The following KDM4C variants were observed in gnomAD, a reference collection of about 807,000 sequenced individuals.
KDM4C encodes the protein lysine demethylase 4C, also known as lysine-specific demethylase 4C.
KDM4C carries 81 observed loss-of-function variants against 129.3 expected under a neutral mutation model. That is an observed-to-expected ratio of 0.63 (90% confidence interval 0.52 to 0.75). The LOEUF (loss-of-function observed/expected upper bound fraction) is 0.75, where lower values mean the gene tolerates loss of function less well. Among genes scored for constraint, KDM4C ranks in the 30% least tolerant of loss-of-function variants. The pLI is 0.00. For missense variants in KDM4C, 1,457 were observed against 1,304.0 expected (o/e 1.12, Z -1.81); for synonymous variants, 573 against 456.1 (o/e 1.26, Z -3.26).
At chr9:6,784,364 G>T (rs1281565116) in intron 1 of KDM4C, among the ~76,000 whole-genome samples, 1 of 152,140 alleles carries the variant, frequency 6.6e-6, no homozygotes, top group Admixed American at 6.5e-5. Context: ...AAGTAGCTGG[G>T]ACTACGGGTA....
intron 17 of KDM4C, chr9:7,076,476 C>T: frequency 6.5e-7 from 1 of 1,550,384 alleles, no homozygotes. Context: ...ACAACAACAA[C>T]AATAACAATG....
chr9:6,845,926 A>G (rs112157482), intron 4 of KDM4C, among the ~76,000 whole-genome samples: 3,553 of 152,286 alleles, frequency 0.023, 139 homozygotes, highest in African/African-American at 0.077. Flanking sequence ...ATTAAGTTTT[A>G]AACAGTTCGG....
intron 1 of KDM4C, among the ~76,000 whole-genome samples, chr9:6,781,021 A>G (rs1256041287): frequency 6.6e-6 from 1 of 151,894 alleles, no homozygotes; most frequent in Non-Finnish European, 1.5e-5. Context: ...CTGTTTATGC[A>G]TATAGCAGAC....
At chr9:7,138,719 T>G (rs1387230511) in intron 19 of KDM4C, among the ~76,000 whole-genome samples, 1 of 152,024 alleles carries the variant, frequency 6.6e-6, no homozygotes, top group African/African-American at 2.4e-5. Context: ...CTTGGGAGAC[T>G]GAGGCAGGAG....
chr9:7,015,723 GT>G (rs1278006141), intron 14 of KDM4C, 129 bp from the exon 15 acceptor site: 1 of 565,242 alleles, frequency 1.8e-6, no homozygotes, highest in Non-Finnish European at 3.2e-6. Flanking sequence ...CTTATGTTTT[GT>G]TCTATACAGT....
chr9:6,834,311 A>G (rs1835456370), intron 4 of KDM4C: 1 of 277,398 alleles, frequency 3.6e-6, no homozygotes. Context: ...TGCTGAGATT[A>G]CAGCATGAGC....
intron 12 of KDM4C, among the ~76,000 whole-genome samples, chr9:6,999,090 G>T (rs1820303151): frequency 6.6e-6 from 1 of 152,156 alleles, no homozygotes; most frequent in African/African-American, 2.4e-5. Context: ...AGTTAGAAGT[G>T]GAATTTAGAA....
At chr9:7,127,557 C>A (rs1042261983) in intron 18 of KDM4C, among the ~76,000 whole-genome samples, 1 of 152,074 alleles carries the variant, frequency 6.6e-6, no homozygotes, top group African/African-American at 2.4e-5. Flanking sequence ...AGGAAATGGT[C>A]CTGATTAAAG....
chr9:6,819,649 A>G (rs143615241), intron 4 of KDM4C, among the ~76,000 whole-genome samples: 90 of 152,376 alleles, frequency 5.9e-4, no homozygotes, highest in African/African-American at 2.1e-3. Context: ...CCTAAATTCA[A>G]CAAATGAGAA....
intron 7 of KDM4C, among the ~76,000 whole-genome samples, chr9:6,890,337 C>G (rs907165082): frequency 1.7e-4 from 26 of 152,174 alleles, no homozygotes; most frequent in Non-Finnish European, 3.4e-4. Flanking sequence ...AATCTATAGA[C>G]AGAGTTTTGA....
intron 4 of KDM4C, among the ~76,000 whole-genome samples, chr9:6,821,937 C>G (rs752548214): frequency 1.3e-5 from 2 of 152,114 alleles, no homozygotes; most frequent in African/African-American, 4.8e-5. Context: ...GCCCGGCTGG[C>G]CCCTCTTTTA....
At chr9:6,922,720 C>G (rs762863237) in intron 8 of KDM4C, among the ~76,000 whole-genome samples, 1 of 152,248 alleles carries the variant, frequency 6.6e-6, no homozygotes, top group African/African-American at 2.4e-5. Context: ...GTACTCCAGC[C>G]TGGGTGGCGG....
intron 8 of KDM4C, among the ~76,000 whole-genome samples, chr9:6,979,499 G>C (rs1051047014): frequency 6.6e-6 from 1 of 152,132 alleles, no homozygotes; most frequent in Non-Finnish European, 1.5e-5. Flanking sequence ...GACTTGCTGT[G>C]GGAGAGAAAC....
chr9:7,042,596 A>G (rs769405903), intron 15 of KDM4C, among the ~76,000 whole-genome samples: 12 of 152,040 alleles, frequency 7.9e-5, no homozygotes, highest in Non-Finnish European at 1.6e-4. Flanking sequence ...AAATGAGCAA[A>G]TGGAGACTTA....
At chr9:6,946,669 A>G (rs184906290) in intron 8 of KDM4C, among the ~76,000 whole-genome samples, 1 of 152,234 alleles carries the variant, frequency 6.6e-6, no homozygotes, top group Admixed American at 6.5e-5. Context: ...ACAGTGAATA[A>G]TATTTGAATA....
At chr9:7,119,839 C>T (rs969537427) in intron 18 of KDM4C, among the ~76,000 whole-genome samples, 2 of 152,092 alleles carry the variant, frequency 1.3e-5, no homozygotes, top group Non-Finnish European at 2.9e-5. Context: ...AGATGTTTAC[C>T]TGCATTTTCT....
intron 8 of KDM4C, among the ~76,000 whole-genome samples, chr9:6,907,045 A>G (rs781139244): frequency 4.6e-5 from 7 of 152,208 alleles, no homozygotes. Context: ...CAATTTTACT[A>G]TTGTGAAAAT....
At chr9:6,865,983 G>T (rs1190346508) in intron 5 of KDM4C, among the ~76,000 whole-genome samples, 1 of 152,070 alleles carries the variant, frequency 6.6e-6, no homozygotes, top group African/African-American at 2.4e-5. Flanking sequence ...TCGATCTCCT[G>T]ACCTTGTGAT....
At chr9:6,977,288 A>T (rs1201207601) in intron 8 of KDM4C, among the ~76,000 whole-genome samples, 1 of 152,190 alleles carries the variant, frequency 6.6e-6, no homozygotes, top group Non-Finnish European at 1.5e-5. Flanking sequence ...ATTTTCTATG[A>T]AAGACAGTAA....
Sources: allele counts gnomAD v4.1 joint callset (sites outside exome capture counted in the v4.1 genomes callset), GRCh38; gene constraint gnomAD v4.1.1; transcripts MANE v1.5; gene names NCBI Gene and HGNC (gene_info 2026-07-23, HGNC 2026-07-21).